Variants in ALG5 observed in about 807,000 individuals in gnomAD.
ALG5 encodes the protein dolichyl-phosphate beta-glucosyltransferase.
A neutral mutation model predicts 51.8 loss-of-function variants in ALG5; 26 were observed. The ratio of observed to expected loss-of-function variants is 0.50; its 90% confidence interval spans 0.37 to 0.70. ALG5 has a LOEUF of 0.70. Among genes scored for constraint, ALG5 ranks in the 30% least tolerant of loss-of-function variants. The pLI is 0.00. For synonymous variants in ALG5, 141 were observed against 136.1 expected, an observed-to-expected ratio of 1.04 and a Z score of -0.25; for missense variants, 311 against 399.3, an observed-to-expected ratio of 0.78 and a Z score of 1.88.
intron 6 of ALG5, among the ~76,000 whole-genome samples, chr13:36,977,139 A>T (rs2058955729): frequency 6.6e-6 from 1 of 152,232 alleles, no homozygotes. Context: ...TAAGAGCTGA[A>T]TCCCTGATAC....
Position 36,963,317 on chromosome 13 carries a change from T to TA in ALG5, c.773+2257dup, listed in dbSNP as rs561227801. ...CTTGCCTCTTGTCTCATATTTCTAT[T>TA]AAACAATGCTGCCCTAGAACAATCC... is the stretch of plus-strand genomic sequence containing the variant. On this transcript the variant is annotated intron_variant, in intron 8 of 9. Transcript: ENST00000239891. 6.6e-5 allele frequency among the ~76,000 whole-genome samples: 10 copies of TA among 152,346 alleles called. No homozygotes were observed. In the South Asian group the frequency reaches 2.1e-3, roughly 32 times the overall value.
chr13:36,976,945 G>A (rs1188064703), intron 6 of ALG5, among the ~76,000 whole-genome samples: 2 of 152,134 alleles, frequency 1.3e-5, no homozygotes, highest in African/African-American at 2.4e-5. Flanking sequence ...CAACACTATT[G>A]AGTAATACAT....
chr13:36,964,274 G>A (rs923935813), intron 8 of ALG5, among the ~76,000 whole-genome samples: 16 of 152,154 alleles, frequency 1.1e-4, no homozygotes, highest in African/African-American at 3.9e-4. Context: ...ACCATGGGAA[G>A]CCCATGAAGG....
intron 8 of ALG5, among the ~76,000 whole-genome samples, chr13:36,957,928 G>A (rs540964645): frequency 6.6e-6 from 1 of 152,156 alleles, no homozygotes; most frequent in South Asian, 2.1e-4. Context: ...ACTCTATCCA[G>A]TCCTTTTATC....
intron 6 of ALG5, among the ~76,000 whole-genome samples, chr13:36,982,985 A>T (rs1418804984): frequency 6.6e-6 from 1 of 152,216 alleles, no homozygotes; most frequent in East Asian, 1.9e-4. Flanking sequence ...TTCTAGTAAC[A>T]GTGTAGTAAA....
chr13:36,967,683 G>C (rs1211765405), intron 7 of ALG5: 2 of 504,086 alleles, frequency 4.0e-6, no homozygotes, highest in Non-Finnish European at 7.2e-6. Flanking sequence ...TCTCTAAGTA[G>C]ATAGGGCAGA....
intron 6 of ALG5, among the ~76,000 whole-genome samples, chr13:36,982,621 A>G (rs1465809629): frequency 6.6e-6 from 1 of 152,212 alleles, no homozygotes; most frequent in Non-Finnish European, 1.5e-5. Flanking sequence ...TGAATTACAT[A>G]AGTAAGAAGA....
At chr13:36,976,432 A>G in intron 6 of ALG5, among the ~76,000 whole-genome samples, 1 of 136,528 alleles carries the variant, frequency 7.3e-6, no homozygotes, top group African/African-American at 3.5e-5. Context: ...TCTCAAAAAA[A>G]AAAAAAAAAA....
At chr13:36,968,628 G>A (rs2058906392) in intron 7 of ALG5, among the ~76,000 whole-genome samples, 1 of 152,230 alleles carries the variant, frequency 6.6e-6, no homozygotes, top group Non-Finnish European at 1.5e-5. Context: ...TAGAATAATT[G>A]AGAAATGTAG....
At chr13:36,961,519 CAA>C (rs1396181287) in intron 8 of ALG5, among the ~76,000 whole-genome samples, 6 of 152,132 alleles carry the variant, frequency 3.9e-5, no homozygotes, top group Non-Finnish European at 8.8e-5. Flanking sequence ...AGGTTATATG[CAA>C]AGAGTACACC....
intron 2 of ALG5, 49 bp downstream of exon 2, chr13:36,995,375 CT>C: frequency 6.4e-7 from 1 of 1,556,370 alleles, no homozygotes; most frequent in Non-Finnish European, 8.7e-7. Context: ...TTTAAATTTC[CT>C]TTTCTTTTCC....
chr13:36,984,148 G>C lies in ALG5; in HGVS notation c.561+1479C>G, dbSNP rs181977001. 2.3e-3 allele frequency among the ~76,000 whole-genome samples: 341 copies of C among 150,960 alleles called. 2 individuals carry two copies. Among genetic ancestry groups the C allele is most frequent in the African/African-American group, 7.8e-3 (322 of 41,064 alleles). ...GGCTCTTGCTTTGTCACTGAGGCTG[G>C]AGTGCGGTGGGGCAATCACAGCTCA... is the stretch of plus-strand genomic sequence containing the variant. On this transcript the variant is annotated intron_variant, in intron 6 of 9. Transcript: ENST00000239891.
chr13:36,991,712 T>C (rs891303787), intron 4 of ALG5, among the ~76,000 whole-genome samples: 22 of 152,204 alleles, frequency 1.4e-4, no homozygotes, highest in African/African-American at 5.1e-4. Context: ...GGGTGAGGAC[T>C]TCTGATAAAG....
intron 1 of ALG5, among the ~76,000 whole-genome samples, chr13:36,998,396 G>A (rs2059061291): frequency 6.6e-6 from 1 of 152,134 alleles, no homozygotes; most frequent in Non-Finnish European, 1.5e-5. Context: ...AAAGATGGCA[G>A]AGTGGCCTTC....
chr13:36,953,370 T>C lies in ALG5; in HGVS notation c.774-771A>G, dbSNP rs140553506. Among the ~76,000 whole-genome samples, 427 of 152,342 alleles carry C rather than the reference T, an allele frequency of 2.8e-3. 4 individuals carry two copies. Among genetic ancestry groups the C allele is most frequent in the African/African-American group, 9.6e-3 (401 of 41,586 alleles). On this transcript the variant is annotated intron_variant, in intron 8 of 9. Transcript: ENST00000239891. ...GTGCCTTGGCTTAGGTCAAACCTGC[T>C]TTCCTTAAAGGTTCTGAATCCTGAC... is the stretch of plus-strand genomic sequence containing the variant.
At chr13:36,966,695 A>C (rs1346905787) in intron 7 of ALG5, among the ~76,000 whole-genome samples, 4 of 152,214 alleles carry the variant, frequency 2.6e-5, no homozygotes, top group Admixed American at 6.5e-5. Context: ...ACGATCTTTT[A>C]AAATGTTCCT....
At chr13:36,978,677 C>A (rs2058965163) in intron 6 of ALG5, among the ~76,000 whole-genome samples, 1 of 150,298 alleles carries the variant, frequency 6.7e-6, no homozygotes, top group Non-Finnish European at 1.5e-5. Context: ...TTTGGGAGGC[C>A]CAGGTGAGAG....
chr13:36,959,627 T>C (rs772717839), intron 8 of ALG5, among the ~76,000 whole-genome samples: 14 of 152,094 alleles, frequency 9.2e-5, no homozygotes, highest in Non-Finnish European at 1.9e-4. Context: ...AGATTCAGAA[T>C]TGGACTCCTT....
chr13:36,971,950 G>C, intron 7 of ALG5, 27 bp downstream of exon 7: 1 of 1,574,410 alleles, frequency 6.4e-7, no homozygotes, highest in Non-Finnish European at 8.7e-7. Flanking sequence ...TTAATTGGCT[G>C]TCCCATGCCA....
Sources: allele counts gnomAD v4.1 joint callset (sites outside exome capture counted in the v4.1 genomes callset), GRCh38; gene constraint gnomAD v4.1.1; transcripts MANE v1.5; gene names NCBI Gene and HGNC (gene_info 2026-07-23, HGNC 2026-07-21).